The following PDCD6 variants were observed in gnomAD, a reference collection of about 807,000 sequenced individuals.
The protein encoded by PDCD6 is programmed cell death 6.
A neutral mutation model predicts 28.3 loss-of-function variants in PDCD6; 12 were observed. That is an observed-to-expected ratio of 0.42 (90% CI 0.27 to 0.69). PDCD6 has a LOEUF of 0.69. PDCD6 is among the 30% of genes least tolerant of loss of function. PDCD6 has a pLI of 0.22. For missense variants in PDCD6, 226 were observed against 269.9 expected, an observed-to-expected ratio of 0.84 and a Z score of 1.14; for synonymous variants, 92 against 108.0, an observed-to-expected ratio of 0.85 and a Z score of 0.92.
chr5:288,855 G>C, intron 2 of PDCD6: 5 of 1,500,288 alleles, frequency 3.3e-6, no homozygotes, highest in Non-Finnish European at 3.6e-6. Context: ...TGGTTCATCG[G>C]TGACTTCTGT....
intron 5 of PDCD6, 172 bp downstream of exon 5, chr5:311,574 A>G (rs1740919350): frequency 1.7e-6 from 1 of 591,744 alleles, no homozygotes; most frequent in African/African-American, 1.9e-5. Context: ...AGTGTGGACA[A>G]ACATGTTTTC....
intron 2 of PDCD6, among the ~76,000 whole-genome samples, chr5:296,835 T>C (rs1291082673): frequency 6.6e-6 from 1 of 151,748 alleles, no homozygotes; most frequent in Non-Finnish European, 1.5e-5. Flanking sequence ...GACAGTCTTC[T>C]ACTAAATGTA....
intron 2 of PDCD6, among the ~76,000 whole-genome samples, chr5:296,512 G>A (rs1403317450): frequency 5.3e-5 from 8 of 152,262 alleles, no homozygotes; most frequent in Non-Finnish European, 1.0e-4. Flanking sequence ...TCCCTCAGTG[G>A]AGTCAGCCAG....
chr5:289,112 A>AT lies in PDCD6; in HGVS notation c.164-15059dup, dbSNP rs201376445. 1,565 of 1,184,556 alleles carry AT rather than the reference A, an allele frequency of 1.3e-3. 21 individuals are homozygous for AT. The African/African-American group carries it at 0.022, about 16-fold the overall frequency. The allele number at this position is 1,184,556 out of a possible 1,614,324, so 73.4% of individuals were successfully genotyped here. On this transcript the variant is annotated intron_variant, in intron 2 of 5. Transcript: ENST00000264933. Reference sequence around the variant, plus strand: ...AGGCATCATCAGATTATTTTTCTTGATTTTTTCTTTCCGGGATCATTTCTC... The same window carrying AT: ...AGGCATCATCAGATTATTTTTCTTGATTTTTTTCTTTCCGGGATCATTTCTC...
chr5:306,627 C>A lies in PDCD6; in HGVS notation c.234C>A (p.Ala78=). 9 of 1,613,888 alleles carry A rather than the reference C, an allele frequency of 5.6e-6. No homozygotes were observed. The highest frequency in any genetic ancestry group is 7.6e-6 in the Non-Finnish European group (9 of 1,179,968). Residue 78 remains alanine (A), a synonymous_variant, in exon 4 of 6, where the codon GCC becomes GCA. Coordinates refer to ENST00000264933, the MANE Select transcript of PDCD6 (RefSeq NM_013232.4). The stretch of plus-strand genomic sequence containing the variant: ...CCATGTTTGACCGTGAGAACAAGGC[C>A]GGCGTGAACTTCAGCGAGTTCACGG... ...IISMFDRENK[A]GVNFSEFTGV...
chr5:308,576 G>A (rs1201699626), intron 4 of PDCD6: 3 of 152,208 alleles, frequency 2.0e-5, no homozygotes, highest in African/African-American at 7.2e-5. Context: ...CTTGGAAAGG[G>A]GCATTGTCAT....
chr5:298,118 C>T (rs62346176), intron 2 of PDCD6, among the ~76,000 whole-genome samples: 7,902 of 152,238 alleles, frequency 0.052, 288 homozygotes, highest in Non-Finnish European at 0.078. Context: ...AGAACTGACC[C>T]AGCATCCAGC....
At chr5:299,751 A>T (rs183422781) in intron 2 of PDCD6, among the ~76,000 whole-genome samples, 19 of 152,084 alleles carry the variant, frequency 1.2e-4, no homozygotes, top group South Asian at 2.1e-4. Context: ...GGGTTTCACC[A>T]TATTAGCCAG....
chr5:292,188 G>A (rs1174382523), intron 2 of PDCD6, among the ~76,000 whole-genome samples: 1 of 152,096 alleles, frequency 6.6e-6, no homozygotes, highest in African/African-American at 2.4e-5. Context: ...CCTCTTCTGT[G>A]GAGGGCCAGT....
rs1242666104 is a variant in PDCD6, at chr5:291,689, T to C, written c.164-12488T>C. ...ATGGCTCATTTTCATTGCTGCGTGA[T>C]CTCCCGTCTCCATTCTCTCCCTGAG... On this transcript the variant is annotated intron_variant, in intron 2 of 5. Coordinates refer to ENST00000264933, the MANE Select transcript of PDCD6 (RefSeq NM_013232.4). 2.0e-5 allele frequency among the ~76,000 whole-genome samples: 3 copies of C among 151,556 alleles called. No individual in the cohort carries two copies. The East Asian group carries it at 5.9e-4, about 30-fold the overall frequency.
chr5:300,709 G>A (rs1361059910), intron 2 of PDCD6, among the ~76,000 whole-genome samples: 2 of 152,252 alleles, frequency 1.3e-5, no homozygotes, highest in Non-Finnish European at 2.9e-5. Context: ...TTCTCTCTTG[G>A]TTTCTGTGGA....
chr5:271,886 C>A, intron 1 of PDCD6, 65 bp downstream of exon 1: 1 of 866,076 alleles, frequency 1.2e-6, no homozygotes, highest in Non-Finnish European at 1.6e-6. Context: ...CCTGTCCCGA[C>A]TCCCCCGACC....
At chr5:308,016 C>T (rs575642893) in intron 4 of PDCD6, among the ~76,000 whole-genome samples, 14 of 152,192 alleles carry the variant, frequency 9.2e-5, no homozygotes, top group South Asian at 2.1e-4. Context: ...CTGGAGGGAA[C>T]GCTGGCCGGC....
At chr5:274,512 G>A (rs1019158714) in intron 2 of PDCD6, among the ~76,000 whole-genome samples, 2 of 152,178 alleles carry the variant, frequency 1.3e-5, no homozygotes, top group African/African-American at 4.8e-5. Context: ...AGGTGTTTCC[G>A]TGATTCCTGG....
chr5:299,572 C>T (rs183301921), intron 2 of PDCD6, among the ~76,000 whole-genome samples: 1 of 149,516 alleles, frequency 6.7e-6, no homozygotes, highest in Non-Finnish European at 1.5e-5. Flanking sequence ...TTCTTTAAGA[C>T]AGAGTCTCAC....
Position 283,203 on chromosome 5 carries a change from A to C in PDCD6, c.163+10431A>C, listed in dbSNP as rs560860018. ...GAGCTGATGATCTAGATTCAGGGTC[A>C]TGCAGCTGAAGACTCGGGGAGGAGC... On this transcript the variant is annotated intron_variant, in intron 2 of 5. Coordinates refer to ENST00000264933, the MANE Select transcript of PDCD6 (RefSeq NM_013232.4). Among the ~76,000 whole-genome samples, 181 of 111,432 alleles carry C rather than the reference A, an allele frequency of 1.6e-3. 1 individual carries two copies. Among genetic ancestry groups the C allele is most frequent in the African/African-American group, 6.8e-3 (170 of 24,922 alleles). The allele number at this position is 111,432 out of a possible 152,430, so 73.1% of individuals were successfully genotyped here.
intron 1 of PDCD6, 58 bp downstream of exon 1, chr5:271,879 G>A (rs1737827584): frequency 4.1e-6 from 4 of 976,524 alleles, no homozygotes; most frequent in African/African-American, 1.7e-5. Context: ...CCCGACCCCT[G>A]TCCCGACTCC....
intron 2 of PDCD6, among the ~76,000 whole-genome samples, chr5:290,973 G>C (rs1162334034): frequency 6.6e-6 from 1 of 152,208 alleles, no homozygotes; most frequent in African/African-American, 2.4e-5. Context: ...ATTTGTACAG[G>C]ATGGGTAAGG....
chr5:296,164 G>A (rs866058236), intron 2 of PDCD6, among the ~76,000 whole-genome samples: 4 of 152,180 alleles, frequency 2.6e-5, no homozygotes, highest in African/African-American at 9.7e-5. Flanking sequence ...CCATTTCTAT[G>A]TTATTCAGAG....
Sources: allele counts gnomAD v4.1 joint callset (sites outside exome capture counted in the v4.1 genomes callset), GRCh38; gene constraint gnomAD v4.1.1; transcripts MANE v1.5; gene names NCBI Gene and HGNC (gene_info 2026-07-23, HGNC 2026-07-21).